PTPRG: variants seen among roughly 807,000 people sequenced by gnomAD.
PTPRG encodes the protein protein tyrosine phosphatase receptor type G.
A neutral mutation model predicts 165.3 loss-of-function variants in PTPRG; 102 were observed. The observed-to-expected ratio is 0.62, with a 90% CI of 0.53 to 0.73. PTPRG has a LOEUF of 0.73. PTPRG is among the 30% of genes least tolerant of loss of function. PTPRG has a pLI of 0.00. For missense variants in PTPRG, 1,866 were observed against 1,861.4 expected (o/e 1.00, Z -0.05); for synonymous variants, 675 against 669.5 (o/e 1.01, Z -0.13).
intron 6 of PTPRG, among the ~76,000 whole-genome samples, chr3:62,156,138 C>T (rs145027469): frequency 3.3e-5 from 5 of 152,348 alleles, no homozygotes; most frequent in African/African-American, 1.2e-4. Context: ...TCCTTCCTGT[C>T]CCAGGGCCTT....
At position 61,940,913 on chromosome 3, in the gene PTPRG, C is replaced by G. The variant is rs1036412211; in HGVS notation, c.191-48712C>G. ...TCTCCTGACCTCATGATCCGCCCGC[C>G]TCGGCCTCCCAAAGTGCTGCGTTAG... On this transcript the variant is annotated intron_variant, in intron 2 of 29. Transcript: ENST00000474889. 6.6e-5 allele frequency among the ~76,000 whole-genome samples: 10 copies of G among 152,084 alleles called. No homozygotes were observed. The South Asian group carries it at 1.9e-3, about 28-fold the overall frequency.
intron 4 of PTPRG, among the ~76,000 whole-genome samples, chr3:62,057,308 TTACCCACATCCA>T (rs749691991): frequency 3.2e-4 from 48 of 152,224 alleles, no homozygotes; most frequent in Non-Finnish European, 4.8e-4. Flanking sequence ...GACTTAAGAC[TTACCCACATCCA>T]TCCTTCATCC....
At chr3:62,077,676 T>C (rs1047613022) in intron 4 of PTPRG, among the ~76,000 whole-genome samples, 5 of 152,052 alleles carry the variant, frequency 3.3e-5, no homozygotes, top group Admixed American at 3.3e-4. Context: ...TATCTAGGGG[T>C]AAAATGACAT....
chr3:61,808,236 C>T (rs571579354), intron 2 of PTPRG, among the ~76,000 whole-genome samples: 1 of 152,252 alleles, frequency 6.6e-6, no homozygotes, highest in African/African-American at 2.4e-5. Flanking sequence ...AAGCCAGAAA[C>T]TAGGAGAAAA....
intron 1 of PTPRG, among the ~76,000 whole-genome samples, chr3:61,605,184 C>T (rs7637818): frequency 0.03 from 4,524 of 152,240 alleles, 227 homozygotes; most frequent in African/African-American, 0.1. Context: ...TGAGAGAACC[C>T]TAACGATGTG....
chr3:61,580,693 A>G (rs1700274348), intron 1 of PTPRG, among the ~76,000 whole-genome samples: 2 of 152,198 alleles, frequency 1.3e-5, no homozygotes, highest in African/African-American at 4.8e-5. Context: ...AGTGTTACAT[A>G]TGTTAATAAA....
chr3:62,031,564 G>A (rs557781490), intron 4 of PTPRG, among the ~76,000 whole-genome samples: 4 of 152,270 alleles, frequency 2.6e-5, no homozygotes, highest in Admixed American at 6.5e-5. Context: ...AGGAAGTAGC[G>A]CAGTGAGCTA....
rs1700808543 is a variant in PTPRG, at chr3:62,228,150, C to T, written c.2289-3075C>T. Among the ~76,000 whole-genome samples, 1 of 151,768 alleles carries T rather than the reference C, an allele frequency of 6.6e-6. No homozygotes were observed. Among genetic ancestry groups the T allele is most frequent in the African/African-American group, 2.4e-5 (1 of 41,284 alleles). Reference sequence around the variant, plus strand: ...TTCTGGGAAGGACTCTGACCACAGCCAGGGTTAGGTGAGAAGGAGAGGGAG... The same window carrying T: ...TTCTGGGAAGGACTCTGACCACAGCTAGGGTTAGGTGAGAAGGAGAGGGAG... On this transcript the variant is annotated intron_variant, in intron 13 of 29. Transcript: ENST00000474889. This position sits in a 1 kb window ranked among gnomAD's most constrained non-coding sequence, Gnocchi z 4.1.
intron 1 of PTPRG, among the ~76,000 whole-genome samples, chr3:61,668,562 T>TG (rs2107056948): frequency 6.6e-6 from 1 of 152,234 alleles, no homozygotes; most frequent in African/African-American, 2.4e-5. Flanking sequence ...CAAGGTTAGG[T>TG]GGGGGGAGAC....
chr3:61,983,817 T>G (rs1379668529), intron 2 of PTPRG, among the ~76,000 whole-genome samples: 1 of 152,194 alleles, frequency 6.6e-6, no homozygotes, highest in Non-Finnish European at 1.5e-5. Flanking sequence ...ACCAGTTTTA[T>G]TTGTCCTTAT....
At chr3:62,179,617 C>A (rs950238392) in intron 8 of PTPRG, among the ~76,000 whole-genome samples, 6 of 152,206 alleles carry the variant, frequency 3.9e-5, no homozygotes, top group African/African-American at 1.4e-4. Context: ...CCAGGGGCAG[C>A]CAAGAGACTC....
At chr3:61,735,380 G>C (rs1340882758) in intron 1 of PTPRG, among the ~76,000 whole-genome samples, 1 of 152,144 alleles carries the variant, frequency 6.6e-6, no homozygotes, top group African/African-American at 2.4e-5. Flanking sequence ...CAATTGAAGA[G>C]AACAAAGCCA....
At chr3:61,665,661 T>TA (rs1183589463) in intron 1 of PTPRG, among the ~76,000 whole-genome samples, 3 of 151,842 alleles carry the variant, frequency 2.0e-5, no homozygotes, top group Non-Finnish European at 2.9e-5. Flanking sequence ...TTATCTGTAT[T>TA]AAAAAAAGAA....
intron 1 of PTPRG, among the ~76,000 whole-genome samples, chr3:61,700,435 A>G (rs1468217781): frequency 6.6e-6 from 1 of 152,224 alleles, no homozygotes. Flanking sequence ...GCACAGTACT[A>G]AAAGCTTGTA....
In PTPRG at chr3:62,273,959, G is replaced by T. The variant is rs1195368695; in HGVS notation, c.3465+115G>T. The T allele has an allele frequency of 1.1e-6, 1 of 938,922 alleles. No homozygotes were observed. Among genetic ancestry groups the T allele is most frequent in the Non-Finnish European group, 1.6e-6 (1 of 632,508 alleles). The allele number at this position is 938,922 out of a possible 1,614,324, so 58.2% of individuals were successfully genotyped here. ...TATACACCGAAATGGATTACTATTT[G>T]TACTCCTTGTACTCCTTAAATGTGA... is the stretch of plus-strand genomic sequence containing the variant. On this transcript the variant is annotated intron_variant, in intron 23 of 29. Coordinates refer to ENST00000474889, the MANE Select transcript of PTPRG (RefSeq NM_002841.4). The surrounding 1 kb of genome is among the most constrained non-coding windows in gnomAD (Gnocchi z 4.1).
intron 1 of PTPRG, among the ~76,000 whole-genome samples, chr3:61,629,215 C>T (rs1261369394): frequency 3.9e-5 from 6 of 152,136 alleles, no homozygotes; most frequent in South Asian, 2.1e-4. Flanking sequence ...AGTGCAATGG[C>T]GCAATTTCAG....
chr3:61,710,640 A>G (rs1190661950), intron 1 of PTPRG, among the ~76,000 whole-genome samples: 1 of 151,652 alleles, frequency 6.6e-6, no homozygotes, highest in East Asian at 1.9e-4. Context: ...CTCATTAGCT[A>G]TTGTTAGTGT....
At chr3:61,774,410 G>A (rs776532078) in intron 2 of PTPRG, among the ~76,000 whole-genome samples, 46 of 152,148 alleles carry the variant, frequency 3.0e-4, no homozygotes, top group Non-Finnish European at 6.2e-4. Context: ...TTGAAAATTT[G>A]GCTGTCTTAT....
At chr3:61,983,142 C>A (rs576229115) in intron 2 of PTPRG, among the ~76,000 whole-genome samples, 9 of 152,258 alleles carry the variant, frequency 5.9e-5, no homozygotes, top group African/African-American at 1.4e-4. Flanking sequence ...CAGTAATATG[C>A]ATGCCTTTTA....
Sources: allele counts gnomAD v4.1 joint callset (sites outside exome capture counted in the v4.1 genomes callset), GRCh38; gene constraint gnomAD v4.1.1; non-coding constraint Gnocchi (gnomAD v3.1); transcripts MANE v1.5; gene names NCBI Gene and HGNC (gene_info 2026-07-23, HGNC 2026-07-21).